Variants in SPATS2L observed in about 807,000 individuals in gnomAD.
SPATS2L encodes the protein spermatogenesis associated serine rich 2 like, also known as SPATS2-like protein.
SPATS2L carries 30 observed loss-of-function variants against 59.6 expected under a neutral mutation model. The observed-to-expected ratio is 0.50, with a 90% CI of 0.38 to 0.68. The LOEUF is 0.68. Among genes scored for constraint, SPATS2L ranks in the 30% least tolerant of loss-of-function variants. The pLI is 0.00. For missense variants in SPATS2L, 615 were observed against 700.0 expected, an observed-to-expected ratio of 0.88 and a Z score of 1.37; for synonymous variants, 252 against 263.5, an observed-to-expected ratio of 0.96 and a Z score of 0.42.
upstream of SPATS2L, chr2:200,306,646 C>CAGCCTGCGAGGGGCGGGAGT: frequency 1.0e-6 from 1 of 987,586 alleles, no homozygotes; most frequent in Non-Finnish European, 1.2e-6. Context: ...CGGGCGGGGG[C>CAGCCTGCGAGGGGCGGGAGT]AGCCTGCGAG....
intron 2 of SPATS2L, among the ~76,000 whole-genome samples, chr2:200,363,015 C>T (rs1490832917): frequency 1.3e-5 from 2 of 152,104 alleles, no homozygotes; most frequent in Non-Finnish European, 2.9e-5. Flanking sequence ...AAACCAAGAT[C>T]GCATGCATGA....
At chr2:200,415,025 A>C (rs1214709597) in intron 4 of SPATS2L, among the ~76,000 whole-genome samples, 1 of 152,218 alleles carries the variant, frequency 6.6e-6, no homozygotes, top group African/African-American at 2.4e-5. Flanking sequence ...GTACTGCCCT[A>C]ATTATTATTA....
At chr2:200,446,022 G>A (rs2085017476) in intron 8 of SPATS2L, among the ~76,000 whole-genome samples, 1 of 152,168 alleles carries the variant, frequency 6.6e-6, no homozygotes, top group East Asian at 1.9e-4. Context: ...GCCGCCCCCA[G>A]AGATACTGAT....
chr2:200,399,316 T>C (rs1472488101), intron 3 of SPATS2L, among the ~76,000 whole-genome samples: 2 of 152,134 alleles, frequency 1.3e-5, no homozygotes, highest in African/African-American at 4.8e-5. Context: ...GGGAGTCGTG[T>C]AGTATTTGTC....
At chr2:200,384,944 G>C (rs571327580) in intron 2 of SPATS2L, among the ~76,000 whole-genome samples, 38 of 152,302 alleles carry the variant, frequency 2.5e-4, no homozygotes, top group Non-Finnish European at 4.7e-4. Flanking sequence ...ATTTTGTGTT[G>C]ATTGATTGGT....
chr2:200,373,288 A>G (rs952730966), intron 2 of SPATS2L: 2 of 151,526 alleles, frequency 1.3e-5, no homozygotes, highest in Non-Finnish European at 2.9e-5. Context: ...AAAAAAAAAA[A>G]AAAAGAACAA....
At chr2:200,472,793 G>C (rs748286852) in intron 11 of SPATS2L, 39 bp from the exon 12 acceptor site, 2 of 1,551,812 alleles carry the variant, frequency 1.3e-6, no homozygotes, top group African/African-American at 2.7e-5. Context: ...AGCAGTGTTG[G>C]AGGTGCAGCT....
intron 5 of SPATS2L, among the ~76,000 whole-genome samples, chr2:200,417,707 C>T (rs1390492331): frequency 3.3e-5 from 5 of 152,192 alleles, no homozygotes; most frequent in African/African-American, 1.2e-4. Flanking sequence ...ACACACCTCT[C>T]ACCTAGGAAA....
At chr2:200,418,619 T>G (rs1574453196) in intron 5 of SPATS2L, among the ~76,000 whole-genome samples, 1 of 117,836 alleles carries the variant, frequency 8.5e-6, no homozygotes, top group Non-Finnish European at 2.0e-5. Context: ...AAATAAATAA[T>G]CATGGGGATG....
At position 200,338,798 on chromosome 2, in the gene SPATS2L, A is replaced by G. The variant is rs1017761544; in HGVS notation, c.-23+9318A>G. ...TCCACTTCACTTCCCTTCTTCTCCA[A>G]GCTGCACTTCTCTCTCAAAGCCAGA... is the stretch of plus-strand genomic sequence containing the variant. On this transcript the variant is annotated intron_variant, in intron 2 of 12. Coordinates refer to ENST00000409140, the MANE Select transcript of SPATS2L (RefSeq NM_001100423.2). Among the ~76,000 whole-genome samples, 5 of 152,318 alleles carry G rather than the reference A, an allele frequency of 3.3e-5. No individual in the cohort carries two copies. The East Asian group carries it at 9.6e-4, about 29-fold the overall frequency.
intron 5 of SPATS2L, among the ~76,000 whole-genome samples, chr2:200,418,581 T>TAATA (rs146482107): frequency 0.29 from 41,896 of 145,086 alleles, 6,480 homozygotes; most frequent in Admixed American, 0.36. Context: ...CCTTATTAAA[T>TAATA]AATAAATAAA....
chr2:200,449,784 C>T (rs58450754), intron 8 of SPATS2L, among the ~76,000 whole-genome samples: 12 of 152,168 alleles, frequency 7.9e-5, no homozygotes, highest in African/African-American at 2.9e-4. Flanking sequence ...AAAGTGAGTC[C>T]TAAATTACAA....
At chr2:200,403,914 A>G (rs1422604816) in intron 3 of SPATS2L, among the ~76,000 whole-genome samples, 1 of 152,148 alleles carries the variant, frequency 6.6e-6, no homozygotes, top group African/African-American at 2.4e-5. Context: ...AGCGAATTCT[A>G]AAACTCTCAC....
intron 8 of SPATS2L, among the ~76,000 whole-genome samples, chr2:200,454,600 C>A (rs1025565876): frequency 2.6e-5 from 4 of 152,132 alleles, no homozygotes; most frequent in African/African-American, 9.7e-5. Context: ...AAAGTCTTTG[C>A]CATGGTAATC....
At chr2:200,422,785 C>T (rs2083367921) in intron 6 of SPATS2L, among the ~76,000 whole-genome samples, 1 of 152,038 alleles carries the variant, frequency 6.6e-6, no homozygotes, top group African/African-American at 2.4e-5. Context: ...CTATACTATA[C>T]TATGCTAAAG....
chr2:200,396,245 G>T (rs963386633), intron 3 of SPATS2L, among the ~76,000 whole-genome samples: 2 of 151,496 alleles, frequency 1.3e-5, no homozygotes, highest in African/African-American at 4.9e-5. Context: ...TAATGTCATC[G>T]CTGAGCTGCG....
chr2:200,446,290 G>A (rs1574583939), intron 8 of SPATS2L, among the ~76,000 whole-genome samples: 1 of 152,168 alleles, frequency 6.6e-6, no homozygotes, highest in East Asian at 1.9e-4. Flanking sequence ...AGCCATGTTC[G>A]TGTCACTGCA....
intron 10 of SPATS2L, 34 bp downstream of exon 10, chr2:200,467,433 G>A (rs920513701): frequency 1.4e-6 from 2 of 1,450,762 alleles, no homozygotes; most frequent in East Asian, 2.3e-5. Context: ...TGAACCCTGA[G>A]CCAGAGAGCT....
chr2:200,334,653 A>G (rs62179515), intron 2 of SPATS2L, among the ~76,000 whole-genome samples: 15,536 of 150,492 alleles, frequency 0.1, 761 homozygotes, highest in Non-Finnish European at 0.13. Context: ...TAGGTCTAAC[A>G]TTTAAGTCTT....
Sources: gnomAD v4.1 joint callset for allele counts (sites outside exome capture counted in the v4.1 genomes callset) on GRCh38, gnomAD v4.1.1 for gene constraint, MANE v1.5 for transcripts, NCBI Gene and HGNC (gene_info 2026-07-23, HGNC 2026-07-21) for gene names.